The following PTPRS variants were observed in gnomAD, a reference collection of about 807,000 sequenced individuals.
PTPRS encodes the protein protein tyrosine phosphatase receptor type S.
PTPRS carries 63 observed loss-of-function variants against 215.3 expected under a neutral mutation model. The observed-to-expected ratio is 0.29, with a 90% CI of 0.24 to 0.36. PTPRS has a LOEUF of 0.36. Among genes scored for constraint, PTPRS ranks in the 10% least tolerant of loss-of-function variants. The pLI is 1.00. For missense variants in PTPRS, 2,258 were observed against 2,825.8 expected (o/e 0.80, Z 4.56); for synonymous variants, 1,404 against 1,191.4 (o/e 1.18, Z -3.68).
chr19:5,212,491 T>G lies in PTPRS; in HGVS notation c.4615A>C (p.Asn1539His), dbSNP rs2040997793. Reference protein sequence around the residue: ...FCVRTFSLHKNGSSEKREVRQ... With the variant: ...FCVRTFSLHKHGSSEKREVRQ... ...ACCTCGCGTTTCTCACTGGAGCCAT[T>G]CTGGGGACCACAAGGATGTCACCTG... is the stretch of plus-strand genomic sequence containing the variant. The change falls in exon 31 of 38, where the codon AAT (asparagine) becomes CAT (histidine). Residue 1539 changes from asparagine to histidine, a missense_variant and splice_region_variant. By Grantham distance (68) the Asn-to-His change is moderately conservative. This residue lies in a region of PTPRS where 927 missense variants were observed against 1,125.9 expected (regional missense o/e 0.82). Coordinates refer to ENST00000262963, the MANE Select transcript of PTPRS (RefSeq NM_002850.4). 3 of 1,586,986 alleles carry G rather than the reference T, an allele frequency of 1.9e-6. No homozygotes were observed. The highest frequency in any genetic ancestry group is 1.7e-6 in the Non-Finnish European group (2 of 1,165,906).
intron 1 of PTPRS, among the ~76,000 whole-genome samples, chr19:5,329,197 T>A (rs1486743683): frequency 6.6e-6 from 1 of 151,630 alleles, no homozygotes; most frequent in South Asian, 2.1e-4. Flanking sequence ...AGGAGAAGGA[T>A]AGGTCTACAT....
intron 9 of PTPRS, among the ~76,000 whole-genome samples, chr19:5,250,735 G>A (rs1376636817): frequency 6.6e-6 from 1 of 151,400 alleles, no homozygotes; most frequent in African/African-American, 2.4e-5. Context: ...CTCAAAAACC[G>A]TCAAAGCAAC....
chr19:5,306,141 C>T (rs967974758), intron 1 of PTPRS, among the ~76,000 whole-genome samples: 1 of 139,640 alleles, frequency 7.2e-6, no homozygotes, highest in African/African-American at 2.6e-5. Context: ...CTCTAGAATA[C>T]AGGGTGATTT....
In PTPRS at chr19:5,339,663, G is replaced by A. The variant is rs1372256551; in HGVS notation, c.-95+1001C>T. Among the ~76,000 whole-genome samples, 1 of 151,938 alleles carries A rather than the reference G, an allele frequency of 6.6e-6. No homozygotes were observed. Among genetic ancestry groups the A allele is most frequent in the East Asian group, 1.9e-4 (1 of 5,136 alleles). On this transcript the variant is annotated intron_variant, in intron 1 of 37. Coordinates refer to ENST00000262963, the MANE Select transcript of PTPRS (RefSeq NM_002850.4). This position sits in a 1 kb window ranked among gnomAD's most constrained non-coding sequence, Gnocchi z 4.2. ...GGCCGAACCCTCGCACCCACGGCGC[G>A]GGCACTCTAACCTGGGGGGCTCCCC... is the stretch of plus-strand genomic sequence containing the variant.
chr19:5,321,185 G>A (rs984072073), intron 1 of PTPRS, among the ~76,000 whole-genome samples: 5 of 152,240 alleles, frequency 3.3e-5, no homozygotes, highest in Non-Finnish European at 4.4e-5. Flanking sequence ...AGGCAGGAGG[G>A]TCAACTGAGC....
intron 1 of PTPRS, among the ~76,000 whole-genome samples, chr19:5,336,812 G>C (rs917248570): frequency 2.6e-5 from 4 of 151,972 alleles, no homozygotes; most frequent in East Asian, 1.9e-4. Context: ...CGGGTGGTGG[G>C]GGGGAGGGTC....
In PTPRS at chr19:5,237,126, T is replaced by G. The variant is rs552531475; in HGVS notation, c.1849+1793A>C. 1.3e-5 allele frequency among the ~76,000 whole-genome samples: 2 copies of G among 152,306 alleles called. No individual in the cohort carries two copies. Among genetic ancestry groups the G allele is most frequent in the Admixed American group, 1.3e-4 (2 of 15,308 alleles). On this transcript the variant is annotated intron_variant, in intron 13 of 37. Transcript: ENST00000262963. This position sits in a 1 kb window ranked among gnomAD's most constrained non-coding sequence, Gnocchi z 4.2. Reference sequence around the variant, plus strand: ...CTACAAGGCCAGACCGAACTCTTGGTGGGTCTCAGGATGCCAGTGGCCCCG... The same window carrying G: ...CTACAAGGCCAGACCGAACTCTTGGGGGGTCTCAGGATGCCAGTGGCCCCG...
chr19:5,239,547 CAG>C (rs1398167384), intron 12 of PTPRS, among the ~76,000 whole-genome samples: 2 of 148,170 alleles, frequency 1.3e-5, no homozygotes, highest in African/African-American at 5.0e-5. Flanking sequence ...GAGAAGGAGA[CAG>C]ATACAGAGAT....
intron 17 of PTPRS, among the ~76,000 whole-genome samples, chr19:5,223,562 T>A (rs1443142681): frequency 2.1e-4 from 2 of 9,612 alleles, no homozygotes; most frequent in Non-Finnish European, 3.6e-4. Flanking sequence ...CGGTTGTGAT[T>A]TTTTTTTTTT....
At chr19:5,319,089 G>C (rs1382020625) in intron 1 of PTPRS, among the ~76,000 whole-genome samples, 1 of 151,818 alleles carries the variant, frequency 6.6e-6, no homozygotes, top group East Asian at 1.9e-4. Context: ...GACATGGAAA[G>C]AAAAAAAGGA....
intron 1 of PTPRS, among the ~76,000 whole-genome samples, chr19:5,296,273 G>A (rs1368744688): frequency 6.6e-6 from 1 of 152,178 alleles, no homozygotes; most frequent in Non-Finnish European, 1.5e-5. Flanking sequence ...AGGATGAGGA[G>A]GGAGGATCGC....
At chr19:5,303,328 G>A (rs1345185927) in intron 1 of PTPRS, among the ~76,000 whole-genome samples, 1 of 152,172 alleles carries the variant, frequency 6.6e-6, no homozygotes, top group Non-Finnish European at 1.5e-5. Context: ...GCAGGGCTTG[G>A]TGTAGCTCCT....
chr19:5,214,672 G>A lies in PTPRS; in HGVS notation c.4383C>T (p.Tyr1461=). 6.2e-7 allele frequency: 1 copy of A among 1,613,072 alleles called. No homozygotes were observed. ...YVDGYRCQNA[Y]IATQGPLPET... Reference sequence around the variant, plus strand: ...CAGGCAGCGGCCCCTGCGTGGCAATGTACGCGTTCTGACACCGGTAGCCGT... The same window carrying A: ...CAGGCAGCGGCCCCTGCGTGGCAATATACGCGTTCTGACACCGGTAGCCGT... Residue 1461 remains tyrosine (Y), a synonymous_variant, in exon 29 of 38, where the codon TAC becomes TAT. Transcript: ENST00000262963.
At chr19:5,240,008 G>C (rs1041544808) in intron 12 of PTPRS, among the ~76,000 whole-genome samples, 191 bp downstream of exon 12, 2 of 152,088 alleles carry the variant, frequency 1.3e-5, no homozygotes, top group Non-Finnish European at 2.9e-5. Flanking sequence ...AGACAAAGGA[G>C]ATGAGACAGA....
At chr19:5,320,108 G>A (rs984933681) in intron 1 of PTPRS, among the ~76,000 whole-genome samples, 16 of 152,138 alleles carry the variant, frequency 1.1e-4, no homozygotes, top group Non-Finnish European at 1.8e-4. Flanking sequence ...CTGAGACCCC[G>A]GAGGCTGACG....
intron 1 of PTPRS, among the ~76,000 whole-genome samples, chr19:5,329,231 G>T (rs756656572): frequency 6.6e-6 from 1 of 152,102 alleles, no homozygotes; most frequent in Non-Finnish European, 1.5e-5. Context: ...CAAAGGGGAG[G>T]GGAAGAGGAG....
At position 5,246,785 on chromosome 19, in the gene PTPRS, G is replaced by T. The variant is rs554598973; in HGVS notation, c.719-740C>A. On this transcript the variant is annotated intron_variant, in intron 9 of 37. Coordinates refer to ENST00000262963, the MANE Select transcript of PTPRS (RefSeq NM_002850.4). The stretch of plus-strand genomic sequence containing the variant: ...GAGAAACTCTAATGAAATTTTTGTG[G>T]TTTTTGGGTATAGAAACCCTTCTAA... 1.4e-4 allele frequency among the ~76,000 whole-genome samples: 21 copies of T among 152,252 alleles called. No homozygotes were observed. In the South Asian group the frequency reaches 4.4e-3, roughly 32 times the overall value.
chr19:5,335,473 G>A (rs907859587), intron 1 of PTPRS, among the ~76,000 whole-genome samples: 1 of 152,170 alleles, frequency 6.6e-6, no homozygotes, highest in Non-Finnish European at 1.5e-5. Flanking sequence ...CCTGCACGGA[G>A]AACTGAAAGG....
rs2039059086 is a variant in PTPRS, at chr19:5,239,232, G to A, written c.1705-169C>T. ...GGTGCGGCAGAGAGGGACAGAGAGG[G>A]ATGAGGGAGAGAGGTAGAGGGGAGA... On this transcript the variant is annotated intron_variant, in intron 12 of 37. Transcript: ENST00000262963. 2.0e-5 allele frequency among the ~76,000 whole-genome samples: 3 copies of A among 151,464 alleles called. No homozygotes were observed. In the South Asian group the frequency reaches 6.3e-4, roughly 32 times the overall value.
Sources: allele counts gnomAD v4.1 joint callset (sites outside exome capture counted in the v4.1 genomes callset), GRCh38; gene constraint gnomAD v4.1.1; regional missense constraint gnomAD v4.1.1; non-coding constraint Gnocchi (gnomAD v3.1); transcripts MANE v1.5; gene names NCBI Gene and HGNC (gene_info 2026-07-23, HGNC 2026-07-21).